ANKH: variants seen among roughly 807,000 people sequenced by gnomAD.
ANKH encodes the protein mineralization regulator ANKH.
Under a neutral mutation model 49.0 loss-of-function variants are expected in ANKH, and 15 were observed. The observed-to-expected ratio is 0.31, with a 90% CI of 0.20 to 0.47. The LOEUF is 0.47. Among genes scored for constraint, ANKH ranks in the 20% least tolerant of loss-of-function variants. The probability of loss-of-function intolerance (pLI) is 1.00; values close to 1 mark genes in which losing one functional copy is unlikely to be tolerated. For missense variants in ANKH, 429 were observed against 652.0 expected (o/e 0.66, Z 3.72); for synonymous variants, 273 against 260.0 (o/e 1.05, Z -0.48).
chr5:14,736,972 G>C (rs1448559434), intron 8 of ANKH, among the ~76,000 whole-genome samples: 1 of 152,224 alleles, frequency 6.6e-6, no homozygotes, highest in Non-Finnish European at 1.5e-5. Flanking sequence ...CAGGGAGCTT[G>C]AGAAGATAAA....
intron 3 of ANKH, among the ~76,000 whole-genome samples, chr5:14,757,432 T>TATATATATA (rs1320876753): frequency 7.0e-4 from 76 of 108,476 alleles, no homozygotes; most frequent in African/African-American, 1.8e-3. Context: ...ATATATATAT[T>TATATATATA]TTTTTTTTTT....
chr5:14,823,546 AG>A (rs1431436922), intron 1 of ANKH, among the ~76,000 whole-genome samples: 2 of 152,348 alleles, frequency 1.3e-5, no homozygotes, highest in African/African-American at 4.8e-5. Flanking sequence ...AGAAAAAGTG[AG>A]TATTTTCAAG....
intron 8 of ANKH, among the ~76,000 whole-genome samples, chr5:14,723,693 CTGTTA>C (rs1173765569): frequency 6.6e-6 from 1 of 152,176 alleles, no homozygotes; most frequent in Non-Finnish European, 1.5e-5. Context: ...ATTCACTTCT[CTGTTA>C]TTTGACAGAC....
intron 1 of ANKH, among the ~76,000 whole-genome samples, chr5:14,774,291 C>T (rs1417936155): frequency 6.6e-6 from 1 of 152,176 alleles, no homozygotes; most frequent in Admixed American, 6.6e-5. Flanking sequence ...TATGGCTTCA[C>T]TTGCACACTT....
intron 3 of ANKH, among the ~76,000 whole-genome samples, chr5:14,758,209 T>C (rs1561041587): frequency 6.6e-6 from 1 of 152,198 alleles, no homozygotes; most frequent in Non-Finnish European, 1.5e-5. Context: ...TCTTTTGAGG[T>C]ATCTCAAGTA....
chr5:14,716,859 G>T (rs901893391), intron 8 of ANKH, 24 bp from the exon 9 acceptor site: 1 of 1,612,676 alleles, frequency 6.2e-7, no homozygotes, highest in Non-Finnish European at 8.5e-7. Flanking sequence ...CATCAAACAG[G>T]GTTGTGAGGA....
chr5:14,807,638 GT>G (rs1442137045), intron 1 of ANKH, among the ~76,000 whole-genome samples: 2 of 152,214 alleles, frequency 1.3e-5, no homozygotes, highest in Non-Finnish European at 2.9e-5. Flanking sequence ...GGCAGACACT[GT>G]GTCCCCCTAT....
intron 8 of ANKH, among the ~76,000 whole-genome samples, chr5:14,729,353 A>G (rs1208550497): frequency 6.8e-6 from 1 of 146,546 alleles, no homozygotes; most frequent in Non-Finnish European, 1.5e-5. Context: ...ACGCCCCACT[A>G]CTTTTTTTTT....
intron 1 of ANKH, among the ~76,000 whole-genome samples, chr5:14,849,968 C>A (rs1274852930): frequency 6.6e-6 from 1 of 152,204 alleles, no homozygotes; most frequent in African/African-American, 2.4e-5. Context: ...CAGGTTAAAC[C>A]TGCTCCTAAC....
At chr5:14,819,892 C>A (rs200276386) in intron 1 of ANKH, among the ~76,000 whole-genome samples, 13,916 of 122,820 alleles carry the variant, frequency 0.11, 804 homozygotes, top group Admixed American at 0.16. Context: ...ACAACAACAA[C>A]AAAAATATAC....
intron 1 of ANKH, among the ~76,000 whole-genome samples, chr5:14,843,912 C>T (rs998678366): frequency 6.6e-6 from 1 of 152,184 alleles, no homozygotes; most frequent in Non-Finnish European, 1.5e-5. Context: ...TAAATATAAG[C>T]ATGAACTACT....
At chr5:14,758,643 T>C in intron 2 of ANKH, 45 bp from the exon 3 acceptor site, 1 of 1,287,436 alleles carries the variant, frequency 7.8e-7, no homozygotes, top group East Asian at 2.3e-5. Flanking sequence ...TAGAAAAGGA[T>C]ATCTTTATAT....
At chr5:14,780,892 C>G (rs918855960) in intron 1 of ANKH, among the ~76,000 whole-genome samples, 1 of 152,184 alleles carries the variant, frequency 6.6e-6, no homozygotes, top group Admixed American at 6.5e-5. Context: ...GGAAACTGAC[C>G]ATTGTAGTAG....
At chr5:14,848,546 C>T (rs982541997) in intron 1 of ANKH, among the ~76,000 whole-genome samples, 3 of 152,216 alleles carry the variant, frequency 2.0e-5, no homozygotes, top group African/African-American at 4.8e-5. Context: ...TCACCGCCAT[C>T]GCAGACCCGC....
At chr5:14,848,397 C>T (rs1203957305) in intron 1 of ANKH, among the ~76,000 whole-genome samples, 2 of 124,940 alleles carry the variant, frequency 1.6e-5, no homozygotes, top group Non-Finnish European at 3.3e-5. Flanking sequence ...GGTGTTGGAG[C>T]TGGCAGTGGC....
intron 3 of ANKH, 98 bp from the exon 4 acceptor site, chr5:14,756,042 AC>A: frequency 9.7e-7 from 1 of 1,032,654 alleles, no homozygotes. Flanking sequence ...TACACTTTAT[AC>A]CCCCTCAAAG....
rs146143927 is a variant in ANKH, at chr5:14,811,381, A to G, written c.97-42190T>C. ...CTCTCCACTGGCCACTCAGACACAC[A>G]CTTTCCACACGAAGCCTCCATGTGC... On this transcript the variant is annotated intron_variant, in intron 1 of 11. Transcript: ENST00000284268. Among the ~76,000 whole-genome samples, 174 of 152,230 alleles carry G rather than the reference A, an allele frequency of 1.1e-3. 1 individual carries two copies. In the East Asian group the frequency reaches 0.014, roughly 12 times the overall value.
intron 1 of ANKH, among the ~76,000 whole-genome samples, chr5:14,804,993 C>G (rs549435285): frequency 6.6e-6 from 1 of 152,048 alleles, no homozygotes. Context: ...CTTGCTGTGA[C>G]GGTTAATACT....
intron 1 of ANKH, among the ~76,000 whole-genome samples, chr5:14,855,815 C>T (rs1427614945): frequency 6.7e-6 from 1 of 150,338 alleles, no homozygotes; most frequent in Non-Finnish European, 1.5e-5. Flanking sequence ...GCCTTAAAGG[C>T]CTTTTCCCTA....
Sources: gnomAD v4.1 joint callset for allele counts (sites outside exome capture counted in the v4.1 genomes callset) on GRCh38, gnomAD v4.1.1 for gene constraint, MANE v1.5 for transcripts, NCBI Gene and HGNC (gene_info 2026-07-23, HGNC 2026-07-21) for gene names.